Variants in NFIC observed in about 807,000 individuals in gnomAD.
NFIC encodes nuclear factor 1 C-type.
Under a neutral mutation model 54.4 loss-of-function variants are expected in NFIC, and 12 were observed. That is an observed-to-expected ratio of 0.22 (90% CI 0.14 to 0.36). The LOEUF (loss-of-function observed/expected upper bound fraction) is 0.36. Among genes scored for constraint, NFIC ranks in the 10% least tolerant of loss-of-function variants. NFIC has a pLI of 1.00. For missense variants in NFIC, 575 were observed against 718.2 expected (o/e 0.80, Z 2.28); for synonymous variants, 322 against 319.2 (o/e 1.01, Z -0.09).
intron 2 of NFIC, among the ~76,000 whole-genome samples, chr19:3,383,651 G>A (rs1456296503): frequency 2.0e-5 from 3 of 152,180 alleles, no homozygotes; most frequent in Admixed American, 1.3e-4. Flanking sequence ...CCCCTGCCAT[G>A]CCCATCCAGG....
chr19:3,425,761 G>GT (rs1351710973), intron 3 of NFIC, among the ~76,000 whole-genome samples: 4 of 145,532 alleles, frequency 2.7e-5, no homozygotes, highest in Non-Finnish European at 6.1e-5. Context: ...TGCCCGGCCT[G>GT]TTTGTTTGTC....
intron 1 of NFIC, among the ~76,000 whole-genome samples, chr19:3,376,692 C>T (rs2081114171): frequency 6.6e-6 from 1 of 152,086 alleles, no homozygotes; most frequent in African/African-American, 2.4e-5. Flanking sequence ...TAAGATCGTG[C>T]CACTGCACTC....
At chr19:3,447,352 C>T (rs955582682) in intron 6 of NFIC, among the ~76,000 whole-genome samples, 4 of 151,718 alleles carry the variant, frequency 2.6e-5, no homozygotes, top group Non-Finnish European at 5.9e-5. Context: ...ATTTCGGCTC[C>T]AGAGCTGGGA....
intron 6 of NFIC, among the ~76,000 whole-genome samples, chr19:3,447,974 G>A (rs1230937607): frequency 1.6e-4 from 24 of 152,090 alleles, no homozygotes; most frequent in Admixed American, 7.9e-4. Context: ...GCGTGATCTC[G>A]GCCCACTGCA....
At chr19:3,393,806 G>C (rs1157202730) in intron 2 of NFIC, among the ~76,000 whole-genome samples, 2 of 103,842 alleles carry the variant, frequency 1.9e-5, no homozygotes, top group African/African-American at 7.9e-5. Flanking sequence ...AACAGAGTGA[G>C]ACTCTGTCTC....
intron 2 of NFIC, among the ~76,000 whole-genome samples, chr19:3,394,512 T>TCCC: frequency 8.8e-5 from 1 of 11,406 alleles, no homozygotes; most frequent in African/African-American, 3.6e-4. Flanking sequence ...TTTATGATCT[T>TCCC]TTCCCCACCC....
intron 2 of NFIC, among the ~76,000 whole-genome samples, chr19:3,387,614 A>C (rs1224147016): frequency 1.3e-5 from 2 of 151,870 alleles, no homozygotes; most frequent in African/African-American, 4.8e-5. Context: ...TTCTCTGAGG[A>C]GGCGTCTTTG....
Position 3,463,164 on chromosome 19 carries a change from G to A in NFIC, c.*395G>A, listed in dbSNP as rs1388145886. ...CGGGAAGGACAGACGCCGGCCGCCC[G>A]CCCGCGCCCCGGAGGCCCTGGCTCT... On this transcript the variant is annotated 3_prime_UTR_variant, in exon 11 of 11. Transcript: ENST00000443272. 5.6e-6 allele frequency: 6 copies of A among 1,078,848 alleles called. No individual in the cohort carries two copies. Among genetic ancestry groups the A allele is most frequent in the African/African-American group, 1.7e-5 (1 of 59,052 alleles). The allele number at this position is 1,078,848 out of a possible 1,614,324, so 66.8% of individuals were successfully genotyped here.
Position 3,453,381 on chromosome 19 carries a change from C to T in NFIC, c.1270-382C>T, listed in dbSNP as rs757757300. 3.3e-5 allele frequency among the ~76,000 whole-genome samples: 5 copies of T among 152,170 alleles called. No individual in the cohort carries two copies. The highest frequency in any genetic ancestry group is 4.1e-4 in the South Asian group (2 of 4,836). On this transcript the variant is annotated intron_variant, in intron 8 of 10. Transcript: ENST00000443272. This position sits in a 1 kb window ranked among gnomAD's most constrained non-coding sequence, Gnocchi z 6.7. ...CAGAGCTTTTCGGACTTTGGAACCA[C>T]GGGCCAGGCCGTGGATGATGGTGGA...
At chr19:3,382,677 G>A (rs112139873) in intron 2 of NFIC, among the ~76,000 whole-genome samples, 1 of 150,562 alleles carries the variant, frequency 6.6e-6, no homozygotes, top group African/African-American at 2.4e-5. Context: ...CGGGGAGGCG[G>A]GCCTGGGAGA....
chr19:3,380,657 A>C (rs1439360539), intron 1 of NFIC, among the ~76,000 whole-genome samples: 20 of 92,384 alleles, frequency 2.2e-4, no homozygotes, highest in Admixed American at 1.5e-3. Context: ...TTTTTGTGAC[A>C]GTCTTGCTCT....
intron 2 of NFIC, among the ~76,000 whole-genome samples, chr19:3,401,829 C>A (rs1024633035): frequency 6.6e-6 from 1 of 151,650 alleles, no homozygotes; most frequent in Admixed American, 6.6e-5. Flanking sequence ...TTAAGAGATT[C>A]TCCTGCCTCA....
rs184287140 is a variant in NFIC at position 3,413,399 on chromosome 19, C to G, written c.563-11707C>G. On this transcript the variant is annotated intron_variant, in intron 2 of 10. Transcript: ENST00000443272. ...CACAGAATCAAAATTACAGCAAAGG[C>G]TCAACTGTGAGATGCCAGGGTGGCT... 7.2e-5 allele frequency among the ~76,000 whole-genome samples: 11 copies of G among 152,212 alleles called. 1 individual carries two copies. Among genetic ancestry groups the G allele is most frequent in the Admixed American group, 6.5e-4 (10 of 15,268 alleles).
intron 6 of NFIC, among the ~76,000 whole-genome samples, chr19:3,437,633 C>G (rs568712554): frequency 9.6e-6 from 1 of 103,910 alleles, no homozygotes. Context: ...GAGACTATGT[C>G]TCAAAAAAAA....
chr19:3,463,764 C>T lies in NFIC; in HGVS notation c.*995C>T, dbSNP rs913786300. 1.7e-5 allele frequency: 17 copies of T among 985,332 alleles called. No individual in the cohort carries two copies. Among genetic ancestry groups the T allele is most frequent in the Admixed American group, 6.1e-5 (1 of 16,266 alleles). The allele number at this position is 985,332 out of a possible 1,614,324, so 61.0% of individuals were successfully genotyped here. ...GGGGGAGCCCGGACACCCAGAGCTC[C>T]CCGAGTTGGGGGTGCCCGTCTGGAG... is the stretch of plus-strand genomic sequence containing the variant. On this transcript the variant is annotated 3_prime_UTR_variant, in exon 11 of 11. Coordinates refer to ENST00000443272, the MANE Select transcript of NFIC (RefSeq NM_001245002.2).
rs544132250 is a variant in NFIC at position 3,417,666 on chromosome 19, C to T, written c.563-7440C>T. On this transcript the variant is annotated intron_variant, in intron 2 of 10. Transcript: ENST00000443272. ...TTTGAGATGGAGTCTCGCTCTGTCG[C>T]CCAGGCTGGAGTGCAGTGGCGCAAT... 3.6e-3 allele frequency among the ~76,000 whole-genome samples: 534 copies of T among 147,306 alleles called. 3 individuals carry two copies. The highest frequency in any genetic ancestry group is 0.013 in the African/African-American group (510 of 39,594).
rs1163982373 is a variant in NFIC, at chr19:3,435,169, C to A, written c.920C>A (p.Thr307Lys). Reference sequence around the variant, plus strand: ...TACTACACTTCGCCCAGCTCGCCCACGAGTAGCAGCCGCAACTGGACGGAG... The same window carrying A: ...TACTACACTTCGCCCAGCTCGCCCAAGAGTAGCAGCCGCAACTGGACGGAG... ...GDYYTSPSSP[T>K]SSSRNWTEDM... The change falls in exon 6 of 11, where the codon ACG (threonine) becomes AAG (lysine). Residue 307 changes from threonine to lysine, a missense_variant. Thr to Lys is a moderately conservative substitution (Grantham distance 78). This residue lies in a region of NFIC where 447 missense variants were observed against 526.9 expected (regional missense o/e 0.85). Coordinates refer to ENST00000443272, the MANE Select transcript of NFIC (RefSeq NM_001245002.2). 2 of 1,605,344 alleles carry A rather than the reference C, an allele frequency of 1.2e-6. No homozygotes were observed. Among genetic ancestry groups the A allele is most frequent in the Non-Finnish European group, 1.7e-6 (2 of 1,176,916 alleles).
intron 6 of NFIC, among the ~76,000 whole-genome samples, chr19:3,448,175 C>T (rs2082400977): frequency 2.0e-5 from 3 of 152,296 alleles, no homozygotes; most frequent in Admixed American, 6.5e-5. Flanking sequence ...TGGGTTCAAG[C>T]GATTCTCCTG....
At chr19:3,372,316 C>T (rs1046667712) in intron 1 of NFIC, among the ~76,000 whole-genome samples, 18 of 152,250 alleles carry the variant, frequency 1.2e-4, no homozygotes, top group South Asian at 2.1e-4. Context: ...CCACCGTGCC[C>T]GGCCTCTGTT....
Sources: gnomAD v4.1 joint callset for allele counts (sites outside exome capture counted in the v4.1 genomes callset) on GRCh38, gnomAD v4.1.1 for gene constraint, gnomAD v4.1.1 regional missense constraint, Gnocchi (gnomAD v3.1) non-coding constraint, MANE v1.5 for transcripts, NCBI Gene and HGNC (gene_info 2026-07-23, HGNC 2026-07-21) for gene names.